Variants in ABHD2 observed in about 807,000 individuals in gnomAD.
ABHD2 encodes abhydrolase domain containing 2, acylglycerol lipase, also known as monoacylglycerol lipase ABHD2.
A neutral mutation model predicts 48.1 loss-of-function variants in ABHD2; 20 were observed. The observed-to-expected ratio is 0.42, with a 90% CI of 0.29 to 0.60. ABHD2 has a LOEUF of 0.60. Among genes scored for constraint, ABHD2 ranks in the 20% least tolerant of loss-of-function variants. The pLI, the probability that ABHD2 is intolerant of heterozygous loss-of-function variation, is 0.24. For missense variants in ABHD2, 405 were observed against 550.9 expected, an observed-to-expected ratio of 0.74 and a Z score of 2.65; for synonymous variants, 209 against 214.2, an observed-to-expected ratio of 0.98 and a Z score of 0.21.
Position 89,100,826 on chromosome 15 carries a change from C to T in ABHD2, c.-107+12263C>T. Among the ~76,000 whole-genome samples, 1 of 152,014 alleles carries T rather than the reference C, an allele frequency of 6.6e-6. No homozygotes were observed. The highest frequency in any genetic ancestry group is 6.6e-5 in the Admixed American group (1 of 15,256). Reference sequence around the variant, plus strand: ...GGAGGTTGCTGTGAGCTGAGATGTGCCATTGCACTCCACCCTGGGCCACAG... The same window carrying T: ...GGAGGTTGCTGTGAGCTGAGATGTGTCATTGCACTCCACCCTGGGCCACAG... On this transcript the variant is annotated intron_variant, in intron 1 of 10. Transcript: ENST00000352732. This position sits in a 1 kb window ranked among gnomAD's most constrained non-coding sequence, Gnocchi z 4.4.
chr15:89,074,233 G>A, the ABHD2 span, among the ~76,000 whole-genome samples: 2 of 152,130 alleles, frequency 1.3e-5, no homozygotes, highest in African/African-American at 4.8e-5. Flanking sequence ...AAAATTATCA[G>A]GGCGTGATGG....
intron 5 of ABHD2, among the ~76,000 whole-genome samples, chr15:89,172,943 G>T (rs1250573836): frequency 6.6e-6 from 1 of 152,194 alleles, no homozygotes; most frequent in Non-Finnish European, 1.5e-5. Context: ...GTATACGGGG[G>T]TTACTTGTCA....
Position 89,146,877 on chromosome 15 carries a change from C to T in ABHD2, c.195-4800C>T, listed in dbSNP as rs183932115. 4.2e-4 allele frequency among the ~76,000 whole-genome samples: 64 copies of T among 152,224 alleles called. No individual in the cohort carries two copies. The highest frequency in any genetic ancestry group is 1.5e-3 in the African/African-American group (61 of 41,548). On this transcript the variant is annotated intron_variant, in intron 3 of 10. Coordinates refer to ENST00000352732, the MANE Select transcript of ABHD2 (RefSeq NM_152924.5). The surrounding 1 kb of genome is among the most constrained non-coding windows in gnomAD (Gnocchi z 4.2). ...TATCTCCTAGGTAATATATATTTGT[C>T]GTGTTTCCAATCAAAAATCTAAAAT...
the ABHD2 span, among the ~76,000 whole-genome samples, chr15:89,060,154 G>A: frequency 7.3e-6 from 1 of 136,764 alleles, no homozygotes; most frequent in South Asian, 2.3e-4. Context: ...GCAATGGCGC[G>A]ATCTCAGCTC....
Position 89,184,111 on chromosome 15 carries a change from A to C in ABHD2, c.723-1313A>C, listed in dbSNP as rs935624831. Among the ~76,000 whole-genome samples the C allele has an allele frequency of 6.6e-6, 1 of 152,050 alleles. No individual in the cohort carries two copies. The highest frequency in any genetic ancestry group is 2.1e-4 in the South Asian group (1 of 4,820). On this transcript the variant is annotated intron_variant, in intron 6 of 10. Transcript: ENST00000352732. The surrounding 1 kb of genome is among the most constrained non-coding windows in gnomAD (Gnocchi z 5.1). Reference sequence around the variant, plus strand: ...CAGGGTGGTGGTAGTCTTCACCTTGAGCTTAGCCTGTGTTTGATGAGCACA... The same window carrying C: ...CAGGGTGGTGGTAGTCTTCACCTTGCGCTTAGCCTGTGTTTGATGAGCACA...
chr15:89,161,077 T>C (rs2050755200), intron 5 of ABHD2, among the ~76,000 whole-genome samples: 1 of 152,110 alleles, frequency 6.6e-6, no homozygotes, highest in Non-Finnish European at 1.5e-5. Flanking sequence ...GGTCAGTTTG[T>C]TGTCAACACT....
At chr15:89,087,699 GC>G (rs1901409982), upstream of ABHD2, 1 of 152,444 alleles carries the variant, frequency 6.6e-6, no homozygotes, top group Middle Eastern at 3.4e-3. This position sits in a 1 kb window ranked among gnomAD's most constrained non-coding sequence, Gnocchi z 5.5. Context: ...ACCGGTAGGA[GC>G]CCCAATTCCA....
At chr15:89,096,199 T>G (rs2049610973) in intron 1 of ABHD2, among the ~76,000 whole-genome samples, 1 of 152,228 alleles carries the variant, frequency 6.6e-6, no homozygotes, top group Non-Finnish European at 1.5e-5. Flanking sequence ...CTGCAGGTAT[T>G]TCAGGTCTGA....
At chr15:89,052,546 G>GGCAGACACAC in the ABHD2 span, among the ~76,000 whole-genome samples, 1 of 137,068 alleles carries the variant, frequency 7.3e-6, no homozygotes, top group East Asian at 2.0e-4. Flanking sequence ...CAGACAGACA[G>GGCAGACACAC]ACAGACAGAC....
intron 3 of ABHD2, among the ~76,000 whole-genome samples, chr15:89,141,943 G>A (rs1000558977): frequency 2.0e-5 from 3 of 152,210 alleles, no homozygotes; most frequent in African/African-American, 4.8e-5. Context: ...GGCTGTTGAC[G>A]ACTCCAGATA....
Position 89,159,192 on chromosome 15 carries a change from C to G in ABHD2, c.538+3658C>G, listed in dbSNP as rs574974597. ...AGGAGTTTGAGAGCAGCCTGGCCAA[C>G]ATGGTGAAACCCTGTGTCTACTACA... On this transcript the variant is annotated intron_variant, in intron 5 of 10. Coordinates refer to ENST00000352732, the MANE Select transcript of ABHD2 (RefSeq NM_152924.5). Among the ~76,000 whole-genome samples, 8 of 152,060 alleles carry G rather than the reference C, an allele frequency of 5.3e-5. No homozygotes were observed. In the East Asian group the frequency reaches 1.6e-3, roughly 30 times the overall value.
chr15:89,048,764 C>G, the ABHD2 span, among the ~76,000 whole-genome samples: 2 of 152,068 alleles, frequency 1.3e-5, no homozygotes, highest in African/African-American at 2.4e-5. Context: ...CCTTTAAGCA[C>G]TTCTCTGTAT....
At chr15:89,119,808 T>C (rs1184902251) in intron 3 of ABHD2, among the ~76,000 whole-genome samples, 1 of 152,208 alleles carries the variant, frequency 6.6e-6, no homozygotes, top group Non-Finnish European at 1.5e-5. Flanking sequence ...TCTTTTTCTG[T>C]GTCACATGAC....
the ABHD2 span, among the ~76,000 whole-genome samples, chr15:89,051,007 T>C: frequency 1.2e-3 from 181 of 151,636 alleles, no homozygotes; most frequent in Admixed American, 2.4e-3. Context: ...CCCAGGTGGT[T>C]GGATCACCTG....
Position 89,189,148 on chromosome 15 carries a change from C to T in ABHD2, c.926+845C>T, listed in dbSNP as rs1270575143. Reference sequence around the variant, plus strand: ...CAGCTGAAAAAGGAAAAGTTGACCTCTGATCTCATCATTCTCTTTAAATAC... The same window carrying T: ...CAGCTGAAAAAGGAAAAGTTGACCTTTGATCTCATCATTCTCTTTAAATAC... On this transcript the variant is annotated intron_variant, in intron 8 of 10. Coordinates refer to ENST00000352732, the MANE Select transcript of ABHD2 (RefSeq NM_152924.5). The surrounding 1 kb of genome is among the most constrained non-coding windows in gnomAD (Gnocchi z 4.9). Among the ~76,000 whole-genome samples, 1 of 152,176 alleles carries T rather than the reference C, an allele frequency of 6.6e-6. No homozygotes were observed. Among genetic ancestry groups the T allele is most frequent in the African/African-American group, 2.4e-5 (1 of 41,446 alleles).
intron 1 of ABHD2, among the ~76,000 whole-genome samples, chr15:89,095,921 C>A (rs1172909531): frequency 2.6e-5 from 4 of 152,148 alleles, no homozygotes; most frequent in Non-Finnish European, 4.4e-5. Flanking sequence ...TCAGTGCCTC[C>A]CCCGTTTGTA....
rs115546657 is a variant in ABHD2, at chr15:89,190,481, C to G, written c.927-599C>G. The stretch of plus-strand genomic sequence containing the variant: ...TCTGTTACCTAATACATATTTTATT[C>G]CAATTCACGGTGGTCCTGTTACTCC... On this transcript the variant is annotated intron_variant, in intron 8 of 10. Coordinates refer to ENST00000352732, the MANE Select transcript of ABHD2 (RefSeq NM_152924.5). Among the ~76,000 whole-genome samples the G allele has an allele frequency of 8.0e-3, 1,221 of 152,148 alleles. 14 individuals are homozygous for G. Among genetic ancestry groups the G allele is most frequent in the African/African-American group, 0.021 (885 of 41,512 alleles).
chr15:89,074,111 C>T, the ABHD2 span, among the ~76,000 whole-genome samples: 22 of 152,042 alleles, frequency 1.4e-4, no homozygotes, highest in African/African-American at 5.3e-4. Context: ...TGGTGGCTCA[C>T]GCCTGTAATC....
Position 89,201,957 on chromosome 15 carries a change from T to C in ABHD2, c.*6534T>C. ...GGCAGATCTGCTTCCAGATTGATTT[T>C]TAGAGCACCATCACTTTCACATTCC... On this transcript the variant is annotated 3_prime_UTR_variant, in exon 11 of 11. Coordinates refer to ENST00000352732, the MANE Select transcript of ABHD2 (RefSeq NM_152924.5). 7 of 497,292 alleles carry C rather than the reference T, an allele frequency of 1.4e-5. No individual in the cohort carries two copies. Among genetic ancestry groups the C allele is most frequent in the Admixed American group, 3.8e-5 (1 of 26,122 alleles). The allele number at this position is 497,292 out of a possible 1,614,324, so 30.8% of individuals were successfully genotyped here.
Sources: allele counts gnomAD v4.1 joint callset (sites outside exome capture counted in the v4.1 genomes callset), GRCh38; gene constraint gnomAD v4.1.1; non-coding constraint Gnocchi (gnomAD v3.1); transcripts MANE v1.5; gene names NCBI Gene and HGNC (gene_info 2026-07-23, HGNC 2026-07-21).